AOPEP: variants seen among roughly 807,000 people sequenced by gnomAD.
AOPEP encodes aminopeptidase O (putative), also known as aminopeptidase O.
In AOPEP, 77 loss-of-function variants were observed where a neutral mutation model predicts 98.1. The ratio of observed to expected loss-of-function variants is 0.78; its 90% CI spans 0.65 to 0.95. The LOEUF is 0.95. Among genes scored for constraint, AOPEP ranks in the 40% least tolerant of loss-of-function variants. AOPEP has a pLI of 0.00. For synonymous variants in AOPEP, 346 were observed against 365.3 expected, an observed-to-expected ratio of 0.95 and a Z score of 0.60; for missense variants, 1,024 against 1,024.7, an observed-to-expected ratio of 1.00 and a Z score of 0.01.
Position 94,782,120 on chromosome 9 carries a change from G to A in AOPEP, c.964+8952G>A, listed in dbSNP as rs1351399234. Among the ~76,000 whole-genome samples, 65 of 151,904 alleles carry A rather than the reference G, an allele frequency of 4.3e-4. 1 individual carries two copies. The highest frequency in any genetic ancestry group is 4.2e-3 in the Admixed American group (64 of 15,292). The stretch of plus-strand genomic sequence containing the variant: ...CAGGAGAATTGCTTGAACCCGGGAG[G>A]CGGAGGTTGCAGTGAGCCAAGATCG... On this transcript the variant is annotated intron_variant, in intron 3 of 16. Transcript: ENST00000375315.
the AOPEP span, among the ~76,000 whole-genome samples, chr9:95,132,319 TA>T: frequency 6.6e-6 from 1 of 152,226 alleles, no homozygotes; most frequent in Non-Finnish European, 1.5e-5. Context: ...AACAAAATTG[TA>T]ACTGGAAAAC....
intron 5 of AOPEP, among the ~76,000 whole-genome samples, chr9:94,825,429 A>T (rs976391596): frequency 6.6e-6 from 1 of 152,256 alleles, no homozygotes; most frequent in African/African-American, 2.4e-5. Flanking sequence ...TGGGACCTCA[A>T]ATCCCAATTA....
chr9:94,771,630 A>G (rs1840898229), intron 2 of AOPEP, among the ~76,000 whole-genome samples: 2 of 152,064 alleles, frequency 1.3e-5, no homozygotes, highest in Admixed American at 6.5e-5. Flanking sequence ...GGAAGATTTG[A>G]AAGCAGGAGC....
chr9:95,124,231 C>T, the AOPEP span, among the ~76,000 whole-genome samples: 21 of 151,726 alleles, frequency 1.4e-4, no homozygotes, highest in South Asian at 3.3e-3. Context: ...AGTCAAACTG[C>T]GGAGAGCTTC....
chr9:94,910,601 A>G (rs748155349), intron 5 of AOPEP, among the ~76,000 whole-genome samples: 3 of 152,208 alleles, frequency 2.0e-5, no homozygotes, highest in Non-Finnish European at 2.9e-5. Context: ...CAAAGGACAG[A>G]GGGCCCACTG....
chr9:94,832,753 G>A (rs1856269640), intron 5 of AOPEP, among the ~76,000 whole-genome samples: 1 of 151,872 alleles, frequency 6.6e-6, no homozygotes, highest in Non-Finnish European at 1.5e-5. Flanking sequence ...AAAGAGCAAG[G>A]TGGAGTTTAT....
intron 1 of AOPEP, among the ~76,000 whole-genome samples, chr9:94,740,465 T>TA (rs1327614738): frequency 6.6e-6 from 1 of 151,950 alleles, no homozygotes; most frequent in Non-Finnish European, 1.5e-5. Context: ...ATATAGAAAA[T>TA]AAAAAACATG....
At chr9:95,146,499 A>AAAAC in the AOPEP span, among the ~76,000 whole-genome samples, 1 of 151,340 alleles carries the variant, frequency 6.6e-6, no homozygotes, top group Admixed American at 6.6e-5. Context: ...AAAAAAAAAA[A>AAAAC]AAAAAAAAAA....
intron 13 of AOPEP, among the ~76,000 whole-genome samples, chr9:95,035,818 G>A (rs999705665): frequency 1.3e-5 from 2 of 150,792 alleles, no homozygotes; most frequent in Admixed American, 6.6e-5. Context: ...ACTGCGCCCA[G>A]CCCAGATAAT....
At chr9:95,050,473 C>T (rs1234447633) in intron 13 of AOPEP, among the ~76,000 whole-genome samples, 2 of 152,174 alleles carry the variant, frequency 1.3e-5, no homozygotes, top group East Asian at 3.8e-4. Context: ...GGAAATGTGA[C>T]TCCTATGCCT....
chr9:94,939,437 T>C (rs961707472), intron 7 of AOPEP, among the ~76,000 whole-genome samples: 1 of 152,112 alleles, frequency 6.6e-6, no homozygotes, highest in Non-Finnish European at 1.5e-5. Flanking sequence ...TGCCTCGTGT[T>C]AGGGAGGCAT....
chr9:94,777,670 A>G (rs1177503632), intron 3 of AOPEP, among the ~76,000 whole-genome samples: 2 of 88,106 alleles, frequency 2.3e-5, no homozygotes, highest in African/African-American at 4.8e-5. Flanking sequence ...GTCTCATTCT[A>G]TTGTCCAGGC....
the AOPEP span, among the ~76,000 whole-genome samples, chr9:95,124,297 A>G: frequency 6.6e-6 from 1 of 152,110 alleles, no homozygotes; most frequent in Admixed American, 6.5e-5. Flanking sequence ...ACCACTCTCG[A>G]CAGGCAATGT....
chr9:94,822,583 C>T (rs1289034670), intron 5 of AOPEP, among the ~76,000 whole-genome samples: 1 of 152,168 alleles, frequency 6.6e-6, no homozygotes, highest in Non-Finnish European at 1.5e-5. Context: ...GCTTTGAGTT[C>T]CGTTTTTATA....
At chr9:94,949,164 A>AT (rs111860084) in intron 7 of AOPEP, among the ~76,000 whole-genome samples, 1 of 151,842 alleles carries the variant, frequency 6.6e-6, no homozygotes, top group African/African-American at 2.4e-5. Context: ...TTGGTTTCTT[A>AT]TTTTTTCTCC....
intron 1 of AOPEP, among the ~76,000 whole-genome samples, chr9:94,750,403 G>A (rs1466266102): frequency 6.6e-6 from 1 of 152,016 alleles, no homozygotes; most frequent in African/African-American, 2.4e-5. Flanking sequence ...GGCCAACATG[G>A]TGAAACCCTG....
chr9:95,057,400 C>G (rs1436458799), intron 13 of AOPEP, among the ~76,000 whole-genome samples: 2 of 152,252 alleles, frequency 1.3e-5, no homozygotes, highest in South Asian at 2.1e-4. Context: ...GTGCCCGCCC[C>G]GGGCTCCTCG....
At chr9:94,745,571 G>A (rs983170630) in intron 1 of AOPEP, among the ~76,000 whole-genome samples, 11 of 152,030 alleles carry the variant, frequency 7.2e-5, no homozygotes, top group South Asian at 2.1e-4. Context: ...CACCGTGCCC[G>A]GCAATTGTTT....
At chr9:94,893,308 A>G (rs1319110511) in intron 5 of AOPEP, among the ~76,000 whole-genome samples, 1 of 152,180 alleles carries the variant, frequency 6.6e-6, no homozygotes, top group African/African-American at 2.4e-5. Flanking sequence ...ATAAAGACAC[A>G]GGAAATAGCC....
Sources: gnomAD v4.1 joint callset for allele counts (sites outside exome capture counted in the v4.1 genomes callset) on GRCh38, gnomAD v4.1.1 for gene constraint, MANE v1.5 for transcripts, NCBI Gene and HGNC (gene_info 2026-07-23, HGNC 2026-07-21) for gene names.